Variants in CDH13 observed in about 807,000 individuals in gnomAD.
CDH13 encodes cadherin 13.
CDH13 carries 24 observed loss-of-function variants against 63.8 expected under a neutral mutation model. That is an observed-to-expected ratio of 0.38 (90% CI 0.27 to 0.53). The LOEUF is 0.53. Among genes scored for constraint, CDH13 ranks in the 20% least tolerant of loss-of-function variants. The pLI is 0.85. For synonymous variants in CDH13, 503 were observed against 355.3 expected, an observed-to-expected ratio of 1.42 and a Z score of -4.67; for missense variants, 1,049 against 903.1, an observed-to-expected ratio of 1.16 and a Z score of -2.07.
At chr16:83,538,165 G>A (rs575167085) in intron 7 of CDH13, among the ~76,000 whole-genome samples, 1 of 152,222 alleles carries the variant, frequency 6.6e-6, no homozygotes, top group Non-Finnish European at 1.5e-5. Context: ...GTGCCGAGTG[G>A]CTCAGGAGAA....
Position 83,659,545 on chromosome 16 carries a change from C to T in CDH13, c.1102-11245C>T, listed in dbSNP as rs117816284. On this transcript the variant is annotated intron_variant, in intron 8 of 13. Coordinates refer to ENST00000567109, the MANE Select transcript of CDH13 (RefSeq NM_001257.5). ...TCAGCCCTTGGCTGTTCATTAGAAT[C>T]ACAGGGGGGTGTTTTCAGAAATACG... Among the ~76,000 whole-genome samples the T allele has an allele frequency of 4.1e-4, 63 of 152,360 alleles. 1 individual carries two copies. In the East Asian group the frequency reaches 8.9e-3, roughly 21 times the overall value.
At chr16:82,759,751 T>A (rs1319470487) in intron 1 of CDH13, among the ~76,000 whole-genome samples, 2 of 152,058 alleles carry the variant, frequency 1.3e-5, no homozygotes, top group African/African-American at 2.4e-5. Flanking sequence ...GTCTATAGAA[T>A]TCAAATAGGT....
intron 3 of CDH13, among the ~76,000 whole-genome samples, chr16:83,116,487 G>A (rs1041601769): frequency 2.0e-5 from 3 of 152,226 alleles, no homozygotes; most frequent in Non-Finnish European, 4.4e-5. Flanking sequence ...GGATGGCGCT[G>A]CAGCCCCTTC....
intron 2 of CDH13, among the ~76,000 whole-genome samples, chr16:83,003,216 G>A (rs1285876715): frequency 6.6e-6 from 1 of 152,174 alleles, no homozygotes; most frequent in Non-Finnish European, 1.5e-5. Flanking sequence ...TGAGGCCAAT[G>A]CAAATATATT....
chr16:83,048,917 T>C (rs746873778), intron 3 of CDH13, among the ~76,000 whole-genome samples: 50 of 152,212 alleles, frequency 3.3e-4, no homozygotes, highest in Non-Finnish European at 6.0e-4. Flanking sequence ...TCAACATCTC[T>C]ATTTCCTTGC....
intron 3 of CDH13, among the ~76,000 whole-genome samples, chr16:83,080,888 T>TTTTG (rs2033201013): frequency 7.8e-6 from 1 of 127,396 alleles, no homozygotes; most frequent in African/African-American, 3.0e-5. Context: ...TTTTTTTTTT[T>TTTTG]TTTTTTTTTT....
intron 10 of CDH13, among the ~76,000 whole-genome samples, chr16:83,731,133 A>C (rs190131274): frequency 1.3e-5 from 2 of 152,314 alleles, no homozygotes; most frequent in Admixed American, 6.5e-5. Flanking sequence ...ATACAAGTGC[A>C]TGTGTCTTTT....
intron 1 of CDH13, among the ~76,000 whole-genome samples, chr16:82,657,579 A>C (rs1311071050): frequency 6.6e-6 from 1 of 152,244 alleles, no homozygotes; most frequent in Non-Finnish European, 1.5e-5. Flanking sequence ...ACCACAGTTG[A>C]GTAAAACTGT....
At chr16:82,935,398 G>A (rs1388107343) in intron 2 of CDH13, among the ~76,000 whole-genome samples, 1 of 152,130 alleles carries the variant, frequency 6.6e-6, no homozygotes, top group African/African-American at 2.4e-5. Context: ...ATTTGGGTGG[G>A]GACATAAAGC....
chr16:82,945,755 G>T (rs916995063), intron 2 of CDH13, among the ~76,000 whole-genome samples: 1 of 152,110 alleles, frequency 6.6e-6, no homozygotes, highest in Non-Finnish European at 1.5e-5. Flanking sequence ...TTGACACAAG[G>T]CGTTTTGATA....
chr16:83,603,945 G>C (rs769101397), intron 8 of CDH13, among the ~76,000 whole-genome samples: 10 of 152,082 alleles, frequency 6.6e-5, no homozygotes, highest in Non-Finnish European at 1.3e-4. Flanking sequence ...CAAAGGGGAA[G>C]GTGCCACACA....
intron 1 of CDH13, among the ~76,000 whole-genome samples, chr16:82,770,416 C>T (rs182587708): frequency 1.4e-3 from 216 of 152,136 alleles, no homozygotes; most frequent in Non-Finnish European, 2.6e-3. Flanking sequence ...GGTTCTTGAC[C>T]GTTTAGTTAT....
In CDH13 at chr16:83,299,875, C is replaced by A. The variant is rs77195954; in HGVS notation, c.637-44987C>A. Among the ~76,000 whole-genome samples, 176 of 152,296 alleles carry A rather than the reference C, an allele frequency of 1.2e-3. 2 individuals are homozygous for A. The East Asian group carries it at 0.018, about 15-fold the overall frequency. ...TCAGGCGTCTCCTCATGGCTTAGCT[C>A]TGCTGGAGGCCTCAGGCTGTAATCA... is the stretch of plus-strand genomic sequence containing the variant. On this transcript the variant is annotated intron_variant, in intron 5 of 13. Coordinates refer to ENST00000567109, the MANE Select transcript of CDH13 (RefSeq NM_001257.5).
chr16:83,205,488 C>T (rs1031714397), intron 4 of CDH13, among the ~76,000 whole-genome samples: 2 of 151,894 alleles, frequency 1.3e-5, no homozygotes, highest in Admixed American at 6.6e-5. Flanking sequence ...AGCAGTGGTC[C>T]CTTGAAGGCC....
chr16:83,208,140 G>A (rs578220020), intron 4 of CDH13, among the ~76,000 whole-genome samples: 2 of 152,316 alleles, frequency 1.3e-5, no homozygotes, highest in East Asian at 1.9e-4. Flanking sequence ...GATAAGGTGG[G>A]TGTGGAGCTT....
chr16:82,796,976 G>A (rs886486774), intron 1 of CDH13, among the ~76,000 whole-genome samples: 1 of 152,174 alleles, frequency 6.6e-6, no homozygotes, highest in Non-Finnish European at 1.5e-5. Context: ...ATTGGAGGCA[G>A]GATCCTATCA....
chr16:82,708,666 T>C (rs2031680597), intron 1 of CDH13, among the ~76,000 whole-genome samples: 1 of 152,184 alleles, frequency 6.6e-6, no homozygotes, highest in African/African-American at 2.4e-5. Context: ...CAGCTCAAGA[T>C]AGTCAGGGTC....
At chr16:82,945,714 T>A (rs890253667) in intron 2 of CDH13, among the ~76,000 whole-genome samples, 1 of 152,192 alleles carries the variant, frequency 6.6e-6, no homozygotes, top group Non-Finnish European at 1.5e-5. Context: ...TTCACTCTGC[T>A]CCTTCCATCT....
chr16:82,990,323 T>C (rs1266846272), intron 2 of CDH13: 2 of 152,216 alleles, frequency 1.3e-5, no homozygotes, highest in South Asian at 2.1e-4. Context: ...TCTCTTGGAA[T>C]GACTCAGGAG....
Sources: gnomAD v4.1 joint callset for allele counts (sites outside exome capture counted in the v4.1 genomes callset) on GRCh38, gnomAD v4.1.1 for gene constraint, MANE v1.5 for transcripts, NCBI Gene and HGNC (gene_info 2026-07-23, HGNC 2026-07-21) for gene names.